The following SPMIP2 variants were observed in gnomAD, a reference collection of about 807,000 sequenced individuals.
SPMIP2 encodes the protein sperm microtubule inner protein 2, also known as protein SPMIP2.
the SPMIP2 span, among the ~76,000 whole-genome samples, chr4:158,979,791 T>TG: frequency 1.5e-5 from 1 of 66,350 alleles, no homozygotes; most frequent in Non-Finnish European, 3.4e-5. Flanking sequence ...TTGCAAGAGT[T>TG]TTTTTTTTTT....
the SPMIP2 span, chr4:158,906,308 G>C: frequency 6.6e-6 from 1 of 152,106 alleles, no homozygotes; most frequent in African/African-American, 2.4e-5. Flanking sequence ...TGATGTTACA[G>C]CTTTTACAGT....
the SPMIP2 span, among the ~76,000 whole-genome samples, chr4:158,983,201 T>G: frequency 6.6e-6 from 1 of 151,826 alleles, no homozygotes; most frequent in Non-Finnish European, 1.5e-5. Context: ...TACCTGAAAA[T>G]GACAGGGAGA....
At chr4:158,916,628 T>TATGC in the SPMIP2 span, among the ~76,000 whole-genome samples, 1 of 14,950 alleles carries the variant, frequency 6.7e-5, no homozygotes, top group African/African-American at 6.1e-4. Flanking sequence ...CATATGTATG[T>TATGC]ATGTATGTAT....
chr4:158,905,330 A>G, the SPMIP2 span: 6 of 152,210 alleles, frequency 3.9e-5, no homozygotes, highest in South Asian at 1.0e-3. Context: ...TTTTATCCTT[A>G]TATTTTAGAG....
chr4:159,082,457 G>C, the SPMIP2 span, among the ~76,000 whole-genome samples: 31 of 146,722 alleles, frequency 2.1e-4, no homozygotes, highest in East Asian at 1.0e-3. Context: ...CTCTGTGTGT[G>C]TGTGTGTGTG....
chr4:158,931,556 C>G, the SPMIP2 span, among the ~76,000 whole-genome samples: 1 of 151,558 alleles, frequency 6.6e-6, no homozygotes, highest in East Asian at 1.9e-4. Context: ...CATGCCCAGC[C>G]CAGAAATTAT....
chr4:158,903,896 C>G, the SPMIP2 span, among the ~76,000 whole-genome samples: 2 of 152,120 alleles, frequency 1.3e-5, no homozygotes, highest in Admixed American at 6.5e-5. Context: ...AAAGCTGTGT[C>G]CATTTGAAAC....
chr4:159,074,899 G>C, the SPMIP2 span, among the ~76,000 whole-genome samples: 1 of 152,266 alleles, frequency 6.6e-6, no homozygotes, highest in Non-Finnish European at 1.5e-5. Flanking sequence ...AGGATGCAAG[G>C]GGGATGTGGG....
chr4:158,918,904 A>G, the SPMIP2 span, among the ~76,000 whole-genome samples: 4 of 152,216 alleles, frequency 2.6e-5, no homozygotes, highest in Non-Finnish European at 5.9e-5. Context: ...CATGCCCCAC[A>G]ATGAACACCA....
chr4:159,071,210 G>A, the SPMIP2 span, among the ~76,000 whole-genome samples: 4 of 152,206 alleles, frequency 2.6e-5, no homozygotes, highest in Non-Finnish European at 5.9e-5. Flanking sequence ...ATCTTTTGAG[G>A]CTTGACATTT....
At chr4:158,922,323 A>G in the SPMIP2 span, among the ~76,000 whole-genome samples, 2 of 152,054 alleles carry the variant, frequency 1.3e-5, no homozygotes, top group Admixed American at 6.6e-5. Flanking sequence ...GCTCTCCCCA[A>G]CAGACCCCTT....
the SPMIP2 span, among the ~76,000 whole-genome samples, chr4:158,941,772 A>G: frequency 1.3e-5 from 2 of 152,202 alleles, no homozygotes; most frequent in Non-Finnish European, 2.9e-5. Context: ...AAAGAAAGTA[A>G]TATTTAAATT....
chr4:159,041,673 A>T, the SPMIP2 span, among the ~76,000 whole-genome samples: 1 of 152,190 alleles, frequency 6.6e-6, no homozygotes, highest in Non-Finnish European at 1.5e-5. Context: ...GGTGTTGTGG[A>T]TGTCAAAAGC....
At chr4:158,920,712 G>C in the SPMIP2 span, among the ~76,000 whole-genome samples, 2 of 151,650 alleles carry the variant, frequency 1.3e-5, no homozygotes, top group Non-Finnish European at 2.9e-5. Flanking sequence ...CCACTGAACA[G>C]AGACCCTTAT....
At chr4:159,070,616 A>G in the SPMIP2 span, among the ~76,000 whole-genome samples, 1 of 152,232 alleles carries the variant, frequency 6.6e-6, no homozygotes, top group Admixed American at 6.5e-5. Context: ...GATAAGGAGA[A>G]TATTTTGCTA....
chr4:159,018,745 T>G, the SPMIP2 span, among the ~76,000 whole-genome samples: 1 of 152,088 alleles, frequency 6.6e-6, no homozygotes, highest in Non-Finnish European at 1.5e-5. Flanking sequence ...CTCCTTGGGT[T>G]TATAATGAAG....
At chr4:159,032,689 A>T in the SPMIP2 span, among the ~76,000 whole-genome samples, 405 of 152,310 alleles carry the variant, frequency 2.7e-3, 3 homozygotes, top group African/African-American at 8.9e-3. Context: ...AAGGCACAAA[A>T]ATCTCTTCAA....
At chr4:159,056,625 A>G in the SPMIP2 span, among the ~76,000 whole-genome samples, 358 of 152,324 alleles carry the variant, frequency 2.4e-3, 3 homozygotes, top group African/African-American at 7.1e-3. Context: ...TGCTAGAAGG[A>G]GATGGTAGTG....
the SPMIP2 span, among the ~76,000 whole-genome samples, chr4:159,033,124 A>T: frequency 6.6e-6 from 1 of 152,202 alleles, no homozygotes; most frequent in Non-Finnish European, 1.5e-5. Flanking sequence ...GGTAAAAAGA[A>T]ATAAGCTATC....
Sources: gnomAD v4.1 joint callset for allele counts (sites outside exome capture counted in the v4.1 genomes callset) on GRCh38, gnomAD v4.1.1 for gene constraint, MANE v1.5 for transcripts, NCBI Gene and HGNC (gene_info 2026-07-23, HGNC 2026-07-21) for gene names.